Variants in EIF3B observed in about 807,000 individuals in gnomAD.
The protein encoded by EIF3B is eukaryotic translation initiation factor 3 subunit B.
Under a neutral mutation model 104.6 loss-of-function variants are expected in EIF3B, and 10 were observed. The observed-to-expected ratio is 0.10, with a 90% confidence interval of 0.06 to 0.16. The LOEUF (loss-of-function observed/expected upper bound fraction) is 0.16, where lower values mean the gene tolerates loss of function less well. EIF3B is among the 10% of genes least tolerant of loss of function. The pLI, the probability that EIF3B is intolerant of heterozygous loss-of-function variation, is 1.00. For synonymous variants in EIF3B, 542 were observed against 417.2 expected (o/e 1.30, Z -3.65); for missense variants, 1,014 against 1,087.9 (o/e 0.93, Z 0.96).
At chr7:2,379,043 CCTT>C (rs1780849647) in intron 16 of EIF3B, 88 bp from the exon 17 acceptor site, 2 of 1,098,444 alleles carry the variant, frequency 1.8e-6, no homozygotes, top group Middle Eastern at 2.5e-4. Context: ...TGTATGCTGT[CCTT>C]CTGGCACCGT....
In EIF3B at chr7:2,378,772, C is replaced by T; in HGVS notation, c.2232+6C>T. ...GTCAGTCCAAAGCCTCAAAGGTGAG[C>T]CTCATTCCCAAAATGAGGGCTGTGC... On this transcript the variant is annotated splice_donor_region_variant and intron_variant, in intron 16 of 18. Coordinates refer to ENST00000360876, the MANE Select transcript of EIF3B (RefSeq NM_001037283.2). 3 of 1,612,412 alleles carry T rather than the reference C, an allele frequency of 1.9e-6. No homozygotes were observed. Among genetic ancestry groups the T allele is most frequent in the Non-Finnish European group, 2.5e-6 (3 of 1,178,746 alleles).
intron 6 of EIF3B, among the ~76,000 whole-genome samples, chr7:2,365,501 C>T (rs965173966): frequency 4.6e-5 from 7 of 152,130 alleles, no homozygotes; most frequent in African/African-American, 9.7e-5. Flanking sequence ...TGTAAGGGAC[C>T]GTCTGTTACA....
chr7:2,357,649 T>C (rs886824803), intron 1 of EIF3B, among the ~76,000 whole-genome samples: 7 of 152,226 alleles, frequency 4.6e-5, no homozygotes, highest in African/African-American at 1.7e-4. Context: ...TCTCTTTCTA[T>C]TTGCTATTTA....
intron 12 of EIF3B, chr7:2,373,506 C>T (rs529315881): frequency 6.6e-6 from 1 of 152,268 alleles, no homozygotes; most frequent in East Asian, 1.9e-4. Context: ...TGGCTCTGTA[C>T]CAGGAAGGGG....
intron 1 of EIF3B, among the ~76,000 whole-genome samples, chr7:2,357,202 G>A (rs1779493590): frequency 6.6e-6 from 1 of 152,196 alleles, no homozygotes; most frequent in South Asian, 2.1e-4. Flanking sequence ...CTGGAATTGG[G>A]AAGAGTCAGA....
intron 1 of EIF3B, among the ~76,000 whole-genome samples, chr7:2,359,827 G>T (rs1779637470): frequency 6.6e-6 from 1 of 152,194 alleles, no homozygotes; most frequent in African/African-American, 2.4e-5. Flanking sequence ...CCAGCTGGTG[G>T]CCCCTGGAGA....
In EIF3B at chr7:2,379,478, C is replaced by T. The variant is rs766546329; in HGVS notation, c.2426C>T (p.Pro809Leu). The change falls in exon 18 of 19, where the codon CCC (proline) becomes CTC (leucine). Residue 809 changes from proline to leucine, a missense_variant. Transcript: ENST00000360876. ...TTCTTCGTCACTGAAGAAATCATTC[C>T]CCTCGGGAATCAGGAGTGACCTGGA... ...IEFFVTEEII[P>L]LGNQE 1.2e-5 allele frequency: 19 copies of T among 1,577,578 alleles called. No individual in the cohort carries two copies. The highest frequency in any genetic ancestry group is 1.9e-5 in the Admixed American group (1 of 54,006).
chr7:2,367,283 G>A (rs953506672), intron 9 of EIF3B, among the ~76,000 whole-genome samples: 3 of 151,900 alleles, frequency 2.0e-5, no homozygotes, highest in African/African-American at 4.8e-5. Flanking sequence ...GAAGGCCTCC[G>A]TGGCCTGTTC....
chr7:2,364,305 C>A (rs1224213978), intron 5 of EIF3B, 67 bp from the exon 6 acceptor site: 3 of 1,363,772 alleles, frequency 2.2e-6, no homozygotes, highest in Non-Finnish European at 3.0e-6. Flanking sequence ...AGGATAAATT[C>A]ATTGTAGGAG....
chr7:2,365,072 C>G (rs1451380475), intron 6 of EIF3B, among the ~76,000 whole-genome samples: 1 of 152,242 alleles, frequency 6.6e-6, no homozygotes, highest in African/African-American at 2.4e-5. Flanking sequence ...CCACCTCAGC[C>G]TTCCTGAGTA....
Position 2,369,593 on chromosome 7 carries a change from C to T in EIF3B, c.1525C>T (p.Leu509=). 2 of 1,614,078 alleles carry T rather than the reference C, an allele frequency of 1.2e-6. No individual in the cohort carries two copies. Among genetic ancestry groups the T allele is most frequent in the South Asian group, 1.1e-5 (1 of 91,080 alleles). Residue 509 remains leucine, a synonymous_variant, in exon 10 of 19, where the codon CTG becomes TTG. Coordinates refer to ENST00000360876, the MANE Select transcript of EIF3B (RefSeq NM_001037283.2). ...CAGGCAAGAGATCCGAGTGAGGAAC[C>T]TGTTCAATGTGGTGGACTGCAAGCT... ...PTRQEIRVRN[L]FNVVDCKLHW... is the part of the protein sequence containing the mutation.
rs756587806 is a variant in EIF3B, at chr7:2,367,033, T to C, written c.1391T>C (p.Ile464Thr). The C allele has an allele frequency of 6.2e-7, 1 of 1,613,012 alleles. No homozygotes were observed. The highest frequency in any genetic ancestry group is 8.5e-7 in the Non-Finnish European group (1 of 1,179,896). ...CTTTTGGACAAGAAGAGTTTGAAGA[T>C]CTCTGGGATAAAGTGAGTATTCTTA... ...MGLLDKKSLK[I>T]SGIKDFSWSP... Residue 464 changes from isoleucine to threonine, a missense_variant, in exon 9 of 19, where the codon ATC becomes ACC. Around this residue, in one of 4 missense-constraint regions of EIF3B, gnomAD observed 201 missense variants for 240.7 expected, o/e 0.83. Coordinates refer to ENST00000360876, the MANE Select transcript of EIF3B (RefSeq NM_001037283.2).
intron 18 of EIF3B, 81 bp from the exon 19 acceptor site, chr7:2,380,123 G>A (rs1001512942): frequency 5.3e-5 from 17 of 318,100 alleles, no homozygotes; most frequent in South Asian, 3.4e-4. Flanking sequence ...GGGACTCAAC[G>A]TCAGCCCCAA....
intron 2 of EIF3B, 120 bp downstream of exon 2, chr7:2,361,022 TC>T: frequency 1.4e-6 from 1 of 710,776 alleles, no homozygotes; most frequent in Non-Finnish European, 2.3e-6. Flanking sequence ...GCCGTTCACT[TC>T]TTCAGGCCGC....
At chr7:2,362,140 A>G (rs1170413580) in intron 2 of EIF3B, among the ~76,000 whole-genome samples, 1 of 151,858 alleles carries the variant, frequency 6.6e-6, no homozygotes. Context: ...TTGTATATTT[A>G]GCAGAGACAG....
intron 10 of EIF3B, 124 bp from the exon 11 acceptor site, chr7:2,371,653 C>G (rs1780345536): frequency 5.2e-6 from 4 of 767,734 alleles, no homozygotes; most frequent in Non-Finnish European, 9.0e-6. Context: ...CATCACTGCA[C>G]ATGCTCGTGT....
rs759633167 is a variant in EIF3B at position 2,362,670 on chromosome 7, C to A, written c.718C>A (p.Pro240Thr). 1 of 1,614,230 alleles carries A rather than the reference C, an allele frequency of 6.2e-7. No homozygotes were observed. Among genetic ancestry groups the A allele is most frequent in the Admixed American group, 1.7e-5 (1 of 60,024 alleles). Reference protein sequence around the residue: ...KGYIFLEYASPAHAVDAVKNA... With the variant: ...KGYIFLEYASTAHAVDAVKNA... ...GTATATTTTCCTGGAGTACGCGTCC[C>A]CTGCCCACGCTGTGGATGCTGTGAA... is the stretch of plus-strand genomic sequence containing the variant. The change falls in exon 3 of 19, where the codon CCT (proline) becomes ACT (threonine). Residue 240 changes from proline to threonine, a missense_variant. Pro to Thr is a conservative substitution (Grantham distance 38, BLOSUM62 -1). This residue lies in a region of EIF3B where 488 missense variants were observed against 404.3 expected (regional missense o/e 1.21). Transcript: ENST00000360876.
At chr7:2,372,223 A>G (rs1583173533) in intron 11 of EIF3B, 1 of 243,836 alleles carries the variant, frequency 4.1e-6, no homozygotes, top group East Asian at 8.9e-5. Context: ...GAGAAAAGAG[A>G]TTGAGCCTGT....
intron 2 of EIF3B, among the ~76,000 whole-genome samples, chr7:2,361,870 G>C (rs1378219739): frequency 6.7e-6 from 1 of 148,850 alleles, no homozygotes; most frequent in South Asian, 2.1e-4. Flanking sequence ...TCCGCCTCCC[G>C]GGTTCAAGCA....
Sources: allele counts gnomAD v4.1 joint callset (sites outside exome capture counted in the v4.1 genomes callset), GRCh38; gene constraint gnomAD v4.1.1; regional missense constraint gnomAD v4.1.1; transcripts MANE v1.5; gene names NCBI Gene and HGNC (gene_info 2026-07-23, HGNC 2026-07-21).